PAK5: variants seen among roughly 807,000 people sequenced by gnomAD.
PAK5 encodes p21 (RAC1) activated kinase 5, also known as serine/threonine-protein kinase PAK 5.
In PAK5, 16 loss-of-function variants were observed where a neutral mutation model predicts 65.9. The observed-to-expected ratio is 0.24, with a 90% CI of 0.16 to 0.37. PAK5 has a LOEUF of 0.37. Ranked by LOEUF, PAK5 falls within the 10% of genes least tolerant of loss-of-function variation. PAK5 has a pLI of 1.00. For missense variants in PAK5, 785 were observed against 903.9 expected, an observed-to-expected ratio of 0.87 and a Z score of 1.69; for synonymous variants, 371 against 354.9, an observed-to-expected ratio of 1.05 and a Z score of -0.51.
At chr20:9,628,689 T>C (rs2046880381) in intron 3 of PAK5, among the ~76,000 whole-genome samples, 1 of 152,220 alleles carries the variant, frequency 6.6e-6, no homozygotes, top group Admixed American at 6.5e-5. Flanking sequence ...GCTGATATTA[T>C]ACTGATAGCA....
intron 2 of PAK5, among the ~76,000 whole-genome samples, chr20:9,684,534 T>C (rs942374244): frequency 1.3e-5 from 2 of 152,358 alleles, no homozygotes; most frequent in East Asian, 1.9e-4. Context: ...TTATGAAGCA[T>C]GTGGACATAC....
At chr20:9,728,020 A>G (rs1029350277) in intron 1 of PAK5, among the ~76,000 whole-genome samples, 5 of 150,988 alleles carry the variant, frequency 3.3e-5, no homozygotes, top group African/African-American at 1.2e-4. Flanking sequence ...GTTTGAGTGT[A>G]TGTGTCCCCC....
chr20:9,768,792 A>G (rs1294316825), intron 1 of PAK5, among the ~76,000 whole-genome samples: 6 of 95,228 alleles, frequency 6.3e-5, no homozygotes, highest in African/African-American at 3.1e-4. Context: ...CTCCATCGCA[A>G]AAAAAAAAAA....
chr20:9,653,215 A>T (rs1372980220), intron 2 of PAK5, among the ~76,000 whole-genome samples: 1 of 152,232 alleles, frequency 6.6e-6, no homozygotes, highest in African/African-American at 2.4e-5. Context: ...AGAGAAAATC[A>T]TGGGTTTTAG....
chr20:9,826,112 T>C (rs1600416176), intron 1 of PAK5, among the ~76,000 whole-genome samples: 3 of 152,300 alleles, frequency 2.0e-5, no homozygotes, highest in South Asian at 4.1e-4. Flanking sequence ...TGAAGAAACA[T>C]GGTCAGTGTT....
At chr20:9,773,109 C>G (rs938357946) in intron 1 of PAK5, among the ~76,000 whole-genome samples, 23 of 152,144 alleles carry the variant, frequency 1.5e-4, no homozygotes, top group Admixed American at 1.2e-3. Context: ...GAAGATCTCT[C>G]TGGAAGACAA....
intron 2 of PAK5, among the ~76,000 whole-genome samples, chr20:9,650,899 C>T (rs150817994): frequency 6.4e-4 from 98 of 152,292 alleles, no homozygotes; most frequent in African/African-American, 2.2e-3. Context: ...TCCTTTATAA[C>T]TATTTTAAAA....
chr20:9,609,418 G>C (rs2046516531), intron 3 of PAK5, among the ~76,000 whole-genome samples: 2 of 152,184 alleles, frequency 1.3e-5, no homozygotes, highest in African/African-American at 4.8e-5. Flanking sequence ...ACATATCCAG[G>C]TCGAGGGCAA....
At chr20:9,770,759 C>T (rs906943027) in intron 1 of PAK5, among the ~76,000 whole-genome samples, 1 of 152,248 alleles carries the variant, frequency 6.6e-6, no homozygotes, top group South Asian at 2.1e-4. Context: ...GATGCATGGA[C>T]TTCAGGTCAC....
chr20:9,617,336 A>G (rs1228432170), intron 3 of PAK5, among the ~76,000 whole-genome samples: 1 of 152,180 alleles, frequency 6.6e-6, no homozygotes, highest in Non-Finnish European at 1.5e-5. Context: ...AGTGGTTCTC[A>G]AAGACATTGA....
rs201034044 is a variant in PAK5, at chr20:9,580,140, G to A, written c.990+5C>T. On this transcript the variant is annotated splice_donor_5th_base_variant and intron_variant, in intron 4 of 9. Coordinates refer to ENST00000353224, the MANE Select transcript of PAK5 (RefSeq NM_177990.4). ...ACGTGAGGGAAAGGAGGTAGCAAAC[G>A]TTACCTTTGGAATGCACATTGTGGG... 16 of 1,602,900 alleles carry A rather than the reference G, an allele frequency of 1.0e-5. 1 individual carries two copies. Among genetic ancestry groups the A allele is most frequent in the South Asian group, 3.3e-5 (3 of 89,870 alleles).
In PAK5 at chr20:9,539,088, CTTTTTT is replaced by C. The variant is rs556134977; in HGVS notation, c.*368_*373del. The C allele has an allele frequency of 1.4e-5, 3 of 211,738 alleles. No homozygotes were observed. The highest frequency in any genetic ancestry group is 1.3e-3 in the Middle Eastern group (1 of 742). 13.1% of individuals were successfully genotyped at this position (211,738 alleles called of 1,614,324 possible). A position where few individuals can be genotyped will look rare whatever the true frequency, so the allele number is the denominator to read the frequency against. On this transcript the variant is annotated 3_prime_UTR_variant, in exon 10 of 10. Transcript: ENST00000353224. ...AAGTGCTTTTTGTTTTCCTTTCTTTCTTTTTTTTTTTTTTTTGCCAGAAAAGTATTC... is the reference window on the plus strand; with the variant it reads ...AAGTGCTTTTTGTTTTCCTTTCTTTCTTTTTTTTTTGCCAGAAAAGTATTC...
At chr20:9,599,222 A>T (rs2046320681) in intron 3 of PAK5, among the ~76,000 whole-genome samples, 2 of 152,242 alleles carry the variant, frequency 1.3e-5, no homozygotes, top group Non-Finnish European at 2.9e-5. Flanking sequence ...AAAGTTGAAT[A>T]ATATCTACCA....
At chr20:9,667,697 T>C (rs758942021) in intron 2 of PAK5, among the ~76,000 whole-genome samples, 8 of 152,190 alleles carry the variant, frequency 5.3e-5, no homozygotes, top group Non-Finnish European at 1.2e-4. Context: ...AAGTTGTCTT[T>C]GTTGTAACAC....
intron 1 of PAK5, among the ~76,000 whole-genome samples, chr20:9,780,315 G>C (rs1007553406): frequency 1.3e-5 from 2 of 151,958 alleles, no homozygotes; most frequent in African/African-American, 4.8e-5. Flanking sequence ...TGGAAAGTTA[G>C]GCCAAAATTT....
At position 9,566,283 on chromosome 20, in the gene PAK5, C is replaced by T. The variant is rs753033856; in HGVS notation, c.1092G>A (p.Ser364=). Reference sequence around the variant, plus strand: ...ACTGGTGACTGCTTGAGGAATAGCCCGATTTGCTTTGACTTTGAGGTAGTT... The same window carrying T: ...ACTGGTGACTGCTTGAGGAATAGCCTGATTTGCTTTGACTTTGAGGTAGTT... ...PAKLPQSQSK[S]GYSSSSHQYP... is the part of the protein sequence containing the mutation. The change falls in exon 5 of 10, where the codon TCG becomes TCA. Residue 364 remains serine, a synonymous_variant. Transcript: ENST00000353224. The T allele has an allele frequency of 3.1e-6, 5 of 1,613,614 alleles. No individual in the cohort carries two copies. The South Asian group carries it at 3.3e-5, about 11-fold the overall frequency.
intron 1 of PAK5, among the ~76,000 whole-genome samples, chr20:9,837,409 T>C (rs1979237037): frequency 6.6e-6 from 1 of 152,222 alleles, no homozygotes; most frequent in Non-Finnish European, 1.5e-5. Flanking sequence ...CCAAACTTCA[T>C]ATGCTAAGAT....
At chr20:9,615,781 C>T (rs1318040147) in intron 3 of PAK5, among the ~76,000 whole-genome samples, 1 of 152,206 alleles carries the variant, frequency 6.6e-6, no homozygotes, top group Non-Finnish European at 1.5e-5. Context: ...CTGCAGCCAC[C>T]TGAGGGCACA....
chr20:9,818,168 T>A (rs1471176483), intron 1 of PAK5, among the ~76,000 whole-genome samples: 2 of 152,210 alleles, frequency 1.3e-5, no homozygotes, highest in Non-Finnish European at 2.9e-5. Flanking sequence ...TGACATCTGA[T>A]CACTCTCCAT....
Sources: gnomAD v4.1 joint callset for allele counts (sites outside exome capture counted in the v4.1 genomes callset) on GRCh38, gnomAD v4.1.1 for gene constraint, MANE v1.5 for transcripts, NCBI Gene and HGNC (gene_info 2026-07-23, HGNC 2026-07-21) for gene names.